DHX57: variants seen among roughly 807,000 people sequenced by gnomAD.
DHX57 encodes the protein DExH-box helicase 57.
A neutral mutation model predicts 156.2 loss-of-function variants in DHX57; 105 were observed. The observed-to-expected ratio is 0.67, with a 90% CI of 0.57 to 0.79. The LOEUF (loss-of-function observed/expected upper bound fraction) is 0.79. Among genes scored for constraint, DHX57 ranks in the 30% least tolerant of loss-of-function variants. DHX57 has a pLI of 0.00. For missense variants in DHX57, 1,847 were observed against 1,661.9 expected, an observed-to-expected ratio of 1.11 and a Z score of -1.94; for synonymous variants, 704 against 595.6, an observed-to-expected ratio of 1.18 and a Z score of -2.65.
intron 13 of DHX57, among the ~76,000 whole-genome samples, chr2:38,828,649 G>A (rs542110277): frequency 3.9e-5 from 6 of 151,964 alleles, no homozygotes; most frequent in Non-Finnish European, 7.4e-5. Flanking sequence ...CTTGAGCCAG[G>A]GAGGCGGAGT....
chr2:38,835,739 G>A (rs57356467), intron 13 of DHX57, among the ~76,000 whole-genome samples: 3 of 152,282 alleles, frequency 2.0e-5, no homozygotes, highest in South Asian at 4.1e-4. Context: ...TGCCACGGTT[G>A]TTATTGAAAA....
intron 2 of DHX57, among the ~76,000 whole-genome samples, chr2:38,863,815 C>T (rs968586114): frequency 3.3e-5 from 5 of 152,096 alleles, no homozygotes; most frequent in Non-Finnish European, 2.9e-5. Flanking sequence ...GAGTTTCAGA[C>T]CAGCCTGGCC....
At chr2:38,862,048 A>C in intron 4 of DHX57, 97 bp downstream of exon 4, 1 of 1,392,306 alleles carries the variant, frequency 7.2e-7, no homozygotes, top group Non-Finnish European at 9.6e-7. Context: ...GCTGGAACCC[A>C]CATAATAGGA....
chr2:38,868,941 A>G (rs1174709752), intron 1 of DHX57, among the ~76,000 whole-genome samples: 3 of 152,094 alleles, frequency 2.0e-5, no homozygotes, highest in Non-Finnish European at 4.4e-5. Flanking sequence ...AGCTGGGACT[A>G]CAGGCGCCTG....
At chr2:38,805,840 T>A (rs116710242) in intron 22 of DHX57, among the ~76,000 whole-genome samples, 1 of 152,022 alleles carries the variant, frequency 6.6e-6, no homozygotes, top group Non-Finnish European at 1.5e-5. Context: ...AGAGACAGAT[T>A]TGGGGTCTGC....
Position 38,823,109 on chromosome 2 carries a change from A to C in DHX57, c.3175T>G (p.Leu1059Val), listed in dbSNP as rs1260701271. ...DERLTPLGYH[L>V]ASLPVDVRIG... ...CTCACATCCACGGGCAGAGAGGCCA[A>C]ATGATACCCAAGAGGGGTCAATCTT... Residue 1059 changes from leucine to valine, a missense_variant, in exon 17 of 24, where the codon TTG (leucine) becomes GTG (valine). By Grantham distance (32) the Leu-to-Val change is conservative. Transcript: ENST00000457308. 6.2e-7 allele frequency: 1 copy of C among 1,614,048 alleles called. No homozygotes were observed. Among genetic ancestry groups the C allele is most frequent in the Non-Finnish European group, 8.5e-7 (1 of 1,180,032 alleles).
chr2:38,866,147 A>C (rs1352620051), intron 2 of DHX57, among the ~76,000 whole-genome samples: 1 of 152,190 alleles, frequency 6.6e-6, no homozygotes, highest in Non-Finnish European at 1.5e-5. Flanking sequence ...CTCTGGCCAG[A>C]CTGACTGATA....
rs147715465 is a variant in DHX57 at position 38,859,113 on chromosome 2, C to T, written c.1412-277G>A. On this transcript the variant is annotated intron_variant, in intron 5 of 23. Transcript: ENST00000457308. ...ACGCAAGTGTCCCCAAATCCCACAA[C>T]GTAAAACAACACAAATATCTATCAA... 2.7e-3 allele frequency among the ~76,000 whole-genome samples: 413 copies of T among 152,274 alleles called. 1 individual carries two copies. The highest frequency in any genetic ancestry group is 0.01 in the Middle Eastern group (3 of 294).
intron 21 of DHX57, among the ~76,000 whole-genome samples, chr2:38,809,142 C>A (rs990505442): frequency 6.6e-6 from 1 of 152,108 alleles, no homozygotes; most frequent in Admixed American, 6.6e-5. Flanking sequence ...TTTTTTGAGA[C>A]AGTGTCTCAC....
chr2:38,826,158 C>T (rs186931288), intron 15 of DHX57, 111 bp from the exon 16 acceptor site: 3 of 1,133,756 alleles, frequency 2.6e-6, no homozygotes, highest in African/African-American at 3.1e-5. Context: ...GGACACAGTG[C>T]CCTGTATATT....
In DHX57 at chr2:38,802,897, G is replaced by C; in HGVS notation, c.3835C>G (p.Pro1279Ala). ...VNYQVRHFDS[P>A]YLLYHEKIKT... The stretch of plus-strand genomic sequence containing the variant: ...ATCTTCTCGTGGTACAACAGGTAGG[G>C]GCTGTCAAAGTGTCTCACCTGTAAC... The change falls in exon 23 of 24, where the codon CCC becomes GCC. Residue 1279 changes from proline (P) to alanine (A), a missense_variant. Coordinates refer to ENST00000457308, the MANE Select transcript of DHX57 (RefSeq NM_198963.3). 1 of 1,614,062 alleles carries C rather than the reference G, an allele frequency of 6.2e-7. No individual in the cohort carries two copies. Among genetic ancestry groups the C allele is most frequent in the Non-Finnish European group, 8.5e-7 (1 of 1,180,020 alleles).
rs770576672 is a variant in DHX57, at chr2:38,868,178, T to A, written c.224+4A>T. 49 of 1,613,490 alleles carry A rather than the reference T, an allele frequency of 3.0e-5. No homozygotes were observed. The highest frequency in any genetic ancestry group is 4.1e-5 in the Non-Finnish European group (48 of 1,179,842). On this transcript the variant is annotated splice_donor_region_variant and intron_variant, in intron 2 of 23. Coordinates refer to ENST00000457308, the MANE Select transcript of DHX57 (RefSeq NM_198963.3). ...TATTTAAACATTCAAAGAGTTATAA[T>A]GACCTGGAAGGGCGCCTTGATTCAC...
intron 9 of DHX57, among the ~76,000 whole-genome samples, chr2:38,848,842 C>T (rs979523086): frequency 1.3e-5 from 2 of 152,116 alleles, no homozygotes; most frequent in African/African-American, 4.8e-5. Flanking sequence ...TGGAATCTTA[C>T]CACTTGTAGT....
At chr2:38,865,196 G>C (rs1232673713) in intron 2 of DHX57, among the ~76,000 whole-genome samples, 1 of 151,810 alleles carries the variant, frequency 6.6e-6, no homozygotes, top group East Asian at 1.9e-4. Flanking sequence ...TAATGGTTTG[G>C]CTGCAAGTCA....
chr2:38,804,604 C>G (rs1439273599), intron 22 of DHX57, among the ~76,000 whole-genome samples: 6 of 152,132 alleles, frequency 3.9e-5, no homozygotes, highest in Non-Finnish European at 7.4e-5. Context: ...CCATGGCTAC[C>G]AGGTCCACCC....
chr2:38,835,354 T>C lies in DHX57; in HGVS notation c.2542+2477A>G, dbSNP rs113916523. ...CTGCCCTGTCTATAAAGTTAACCCCTGGCCTTGAACAGAAAGAAGAAACAC... is the reference window on the plus strand; with the variant it reads ...CTGCCCTGTCTATAAAGTTAACCCCCGGCCTTGAACAGAAAGAAGAAACAC... On this transcript the variant is annotated intron_variant, in intron 13 of 23. Coordinates refer to ENST00000457308, the MANE Select transcript of DHX57 (RefSeq NM_198963.3). Among the ~76,000 whole-genome samples the C allele has an allele frequency of 1.2e-3, 179 of 152,318 alleles. 1 individual carries two copies. Among genetic ancestry groups the C allele is most frequent in the Non-Finnish European group, 2.2e-3 (150 of 68,020 alleles).
Position 38,799,977 on chromosome 2 carries a change from C to T in DHX57, c.4018-1535G>A, listed in dbSNP as rs1300438305. The stretch of plus-strand genomic sequence containing the variant: ...CCAAGGCGGGCAGATCACCTGAGGT[C>T]GGGAGTTCAAGACCAGGCTGACCAA... On this transcript the variant is annotated intron_variant, in intron 23 of 23. Transcript: ENST00000457308. Among the ~76,000 whole-genome samples the T allele has an allele frequency of 9.9e-5, 15 of 151,978 alleles. No individual in the cohort carries two copies. In the South Asian group the frequency reaches 1.2e-3, roughly 13 times the overall value.
rs199521315 is a variant in DHX57, at chr2:38,868,268, TCCA to T, written c.135_137del (p.Gly49del). ...TGGAGGCCTTTCTGTTGCCGCCACC[TCCA>T]CCACCACCACCACCGCCACCGCCAC... On this transcript the variant is annotated inframe_deletion, in exon 2 of 24. Coordinates refer to ENST00000457308, the MANE Select transcript of DHX57 (RefSeq NM_198963.3). 1,080 of 1,609,124 alleles carry T rather than the reference TCCA, an allele frequency of 6.7e-4. 10 individuals carry two copies. The African/African-American group carries it at 0.011, about 16-fold the overall frequency.
intron 5 of DHX57, among the ~76,000 whole-genome samples, chr2:38,859,524 G>A (rs1673074985): frequency 6.6e-6 from 1 of 152,150 alleles, no homozygotes; most frequent in Non-Finnish European, 1.5e-5. Context: ...TTAAAAGAGT[G>A]AATTTTATGG....
Sources: allele counts gnomAD v4.1 joint callset (sites outside exome capture counted in the v4.1 genomes callset), GRCh38; gene constraint gnomAD v4.1.1; transcripts MANE v1.5; gene names NCBI Gene and HGNC (gene_info 2026-07-23, HGNC 2026-07-21).